The following GPC6 variants were observed in gnomAD, a reference collection of about 807,000 sequenced individuals.
GPC6 encodes the protein glypican-6.
A neutral mutation model predicts 55.2 loss-of-function variants in GPC6; 14 were observed. That is an observed-to-expected ratio of 0.25 (90% CI 0.17 to 0.40). The LOEUF is 0.40. Ranked by LOEUF, GPC6 falls within the 10% of genes least tolerant of loss-of-function variation. The pLI, the probability that GPC6 is intolerant of heterozygous loss-of-function variation, is 1.00. For missense variants in GPC6, 641 were observed against 708.5 expected, an observed-to-expected ratio of 0.90 and a Z score of 1.08; for synonymous variants, 278 against 259.6, an observed-to-expected ratio of 1.07 and a Z score of -0.68.
At chr13:94,239,940 C>T (rs1007768110) in intron 4 of GPC6, among the ~76,000 whole-genome samples, 3 of 152,006 alleles carry the variant, frequency 2.0e-5, no homozygotes, top group Non-Finnish European at 4.4e-5. Context: ...ACCCAGTTTT[C>T]CTTAGGAAGT....
intron 1 of GPC6, among the ~76,000 whole-genome samples, chr13:93,281,232 G>T (rs1463870450): frequency 2.0e-5 from 3 of 152,032 alleles, no homozygotes; most frequent in Non-Finnish European, 4.4e-5. Flanking sequence ...TTGCTTTTTT[G>T]TTGTTGTTTT....
intron 2 of GPC6, among the ~76,000 whole-genome samples, chr13:93,762,060 C>G (rs1884971524): frequency 1.3e-5 from 2 of 152,126 alleles, no homozygotes; most frequent in African/African-American, 4.8e-5. Context: ...CTCTGGTAAT[C>G]ACTGTTCTAC....
chr13:93,565,877 G>A (rs1439565198), intron 2 of GPC6, among the ~76,000 whole-genome samples: 2 of 148,930 alleles, frequency 1.3e-5, no homozygotes, highest in East Asian at 2.0e-4. Flanking sequence ...AGCTGAGATC[G>A]CACCACTGCA....
At chr13:93,843,966 C>T (rs886981471) in intron 3 of GPC6, among the ~76,000 whole-genome samples, 8 of 151,590 alleles carry the variant, frequency 5.3e-5, no homozygotes, top group Non-Finnish European at 7.4e-5. Context: ...AAAAATAATG[C>T]TTTTTTTTGT....
chr13:93,926,355 A>C (rs560492887), intron 3 of GPC6, among the ~76,000 whole-genome samples: 2 of 152,344 alleles, frequency 1.3e-5, no homozygotes, highest in South Asian at 2.1e-4. Context: ...ATATGCTAGA[A>C]ATAGACAAAT....
chr13:94,266,452 G>C lies in GPC6; in HGVS notation c.878-19897G>C, dbSNP rs111673928. Among the ~76,000 whole-genome samples, 183 of 152,294 alleles carry C rather than the reference G, an allele frequency of 1.2e-3. 4 individuals carry two copies. Among genetic ancestry groups the C allele is most frequent in the African/African-American group, 4.1e-3 (171 of 41,576 alleles). On this transcript the variant is annotated intron_variant, in intron 4 of 8. Transcript: ENST00000377047. ...CAAAGTGCTGGGATTACAGGCGTGA[G>C]CCACCGCGTCCAGCCATCTCCCTGT...
chr13:93,473,725 G>C (rs970806532), intron 1 of GPC6, among the ~76,000 whole-genome samples: 3 of 152,124 alleles, frequency 2.0e-5, no homozygotes, highest in Admixed American at 2.0e-4. Flanking sequence ...GCTTGGCCTG[G>C]CCCCATCATG....
intron 1 of GPC6, among the ~76,000 whole-genome samples, chr13:93,504,768 A>G (rs745547706): frequency 1.3e-5 from 2 of 152,178 alleles, no homozygotes; most frequent in Admixed American, 6.5e-5. Context: ...AACAACATTG[A>G]GTTCCTACTA....
rs370606091 is a variant in GPC6 at position 94,388,224 on chromosome 13, C to T, written c.1289+5674C>T. 1.4e-4 allele frequency among the ~76,000 whole-genome samples: 22 copies of T among 152,316 alleles called. No individual in the cohort carries two copies. The South Asian group carries it at 3.9e-3, about 27-fold the overall frequency. ...GTAAGATATTACCTTTTTCAGTCCA[C>T]ACACAAGCCTCAGGGAGCATGTTGC... On this transcript the variant is annotated intron_variant, in intron 7 of 8. Coordinates refer to ENST00000377047, the MANE Select transcript of GPC6 (RefSeq NM_005708.5).
At chr13:93,302,368 G>A (rs551272500) in intron 1 of GPC6, among the ~76,000 whole-genome samples, 4 of 152,138 alleles carry the variant, frequency 2.6e-5, no homozygotes, top group Non-Finnish European at 5.9e-5. Context: ...TTACCCTCTA[G>A]TCCTAACATC....
chr13:93,633,209 T>A lies in GPC6; in HGVS notation c.319+87788T>A, dbSNP rs1394528198. 2.6e-5 allele frequency among the ~76,000 whole-genome samples: 4 copies of A among 152,258 alleles called. No homozygotes were observed. The East Asian group carries it at 7.7e-4, about 29-fold the overall frequency. Reference sequence around the variant, plus strand: ...AATGTGACTTCAAGGTAACTGAGTTTTATAGAAGAAAGACAGTCTTTTTAG... The same window carrying A: ...AATGTGACTTCAAGGTAACTGAGTTATATAGAAGAAAGACAGTCTTTTTAG... On this transcript the variant is annotated intron_variant, in intron 2 of 8. Coordinates refer to ENST00000377047, the MANE Select transcript of GPC6 (RefSeq NM_005708.5).
intron 2 of GPC6, among the ~76,000 whole-genome samples, chr13:93,702,195 C>T (rs1330712448): frequency 6.6e-6 from 1 of 152,030 alleles, no homozygotes; most frequent in East Asian, 1.9e-4. Context: ...GTTCTGTTAG[C>T]AAGCATGAAA....
chr13:93,267,393 GT>G (rs201195056), intron 1 of GPC6, among the ~76,000 whole-genome samples: 271 of 147,388 alleles, frequency 1.8e-3, no homozygotes, highest in Middle Eastern at 3.6e-3. Context: ...ACAGGAGAGG[GT>G]TTTTTTTTTT....
chr13:93,230,928 G>T (rs1004267099), intron 1 of GPC6, among the ~76,000 whole-genome samples: 2 of 152,074 alleles, frequency 1.3e-5, no homozygotes, highest in Non-Finnish European at 2.9e-5. Flanking sequence ...ACACTTTGTA[G>T]TTAACAGTGA....
intron 2 of GPC6, among the ~76,000 whole-genome samples, chr13:93,691,432 A>G (rs1882252338): frequency 6.7e-6 from 1 of 150,272 alleles, no homozygotes; most frequent in African/African-American, 2.4e-5. Flanking sequence ...CTCTGTATTT[A>G]TGAAAGGAAA....
intron 3 of GPC6, among the ~76,000 whole-genome samples, chr13:93,912,676 G>C (rs1877065417): frequency 6.6e-6 from 1 of 152,162 alleles, no homozygotes; most frequent in Non-Finnish European, 1.5e-5. Context: ...CCAGGAGGCA[G>C]AGCTTGCAGT....
intron 2 of GPC6, among the ~76,000 whole-genome samples, chr13:93,595,346 G>A (rs1434510483): frequency 1.3e-5 from 2 of 152,150 alleles, no homozygotes; most frequent in Non-Finnish European, 2.9e-5. Context: ...AATATTTAGA[G>A]ATGGTTGATT....
chr13:93,621,415 T>C (rs992735716), intron 2 of GPC6, among the ~76,000 whole-genome samples: 10 of 152,188 alleles, frequency 6.6e-5, no homozygotes, highest in South Asian at 2.1e-4. Flanking sequence ...AAAAATGGTA[T>C]TATCCTTTAT....
At chr13:94,034,587 T>C (rs1347250099) in intron 4 of GPC6, among the ~76,000 whole-genome samples, 2 of 152,206 alleles carry the variant, frequency 1.3e-5, no homozygotes, top group Non-Finnish European at 2.9e-5. Context: ...AATTGCTGGA[T>C]ACAATAGGCA....
Sources: gnomAD v4.1 joint callset for allele counts (sites outside exome capture counted in the v4.1 genomes callset) on GRCh38, gnomAD v4.1.1 for gene constraint, MANE v1.5 for transcripts, NCBI Gene and HGNC (gene_info 2026-07-23, HGNC 2026-07-21) for gene names.